Variants in LARGE1 observed in about 807,000 individuals in gnomAD.
LARGE1 encodes xylosyl- and glucuronyltransferase LARGE1.
In LARGE1, 43 loss-of-function variants were observed where a neutral mutation model predicts 87.6. The ratio of observed to expected loss-of-function variants is 0.49; its 90% CI spans 0.38 to 0.63. LARGE1 has a LOEUF of 0.63. LARGE1 is among the 30% of genes least tolerant of loss of function. LARGE1 has a pLI of 0.00. For missense variants in LARGE1, 802 were observed against 1,000.2 expected, an observed-to-expected ratio of 0.80 and a Z score of 2.67; for synonymous variants, 434 against 394.6, an observed-to-expected ratio of 1.10 and a Z score of -1.18.
chr22:33,900,450 T>C (rs1401138163), intron 1 of LARGE1, among the ~76,000 whole-genome samples: 1 of 152,198 alleles, frequency 6.6e-6, no homozygotes, highest in Non-Finnish European at 1.5e-5. Flanking sequence ...GAGCCTCTAA[T>C]GTCCAACGGG....
At chr22:33,147,352 T>A in the LARGE1 span, among the ~76,000 whole-genome samples, 1 of 152,144 alleles carries the variant, frequency 6.6e-6, no homozygotes, top group African/African-American at 2.4e-5. Flanking sequence ...TAGAACCAAT[T>A]TATACCACCA....
chr22:33,662,397 C>T (rs776390039), intron 2 of LARGE1, among the ~76,000 whole-genome samples: 50 of 152,238 alleles, frequency 3.3e-4, no homozygotes, highest in Non-Finnish European at 6.5e-4. Flanking sequence ...ACCATATTCT[C>T]GGGGCCCTCT....
intron 1 of LARGE1, among the ~76,000 whole-genome samples, chr22:33,909,872 C>T (rs2065577672): frequency 6.6e-6 from 1 of 152,208 alleles, no homozygotes; most frequent in African/African-American, 2.4e-5. Context: ...TCCTTGCTAA[C>T]AGAAACCCAA....
intron 1 of LARGE1, among the ~76,000 whole-genome samples, chr22:33,919,553 G>C (rs145846609): frequency 1.3e-3 from 200 of 152,340 alleles, no homozygotes; most frequent in African/African-American, 4.7e-3. Context: ...AAATTGCGCA[G>C]GACTGTCTGC....
At chr22:33,170,466 T>C (rs929437039) in intron 11 of LARGE1, among the ~76,000 whole-genome samples, 1 of 152,158 alleles carries the variant, frequency 6.6e-6, no homozygotes, top group African/African-American at 2.4e-5. Flanking sequence ...TCATCTGGAA[T>C]TGTAATCCCC....
At chr22:33,888,127 A>G (rs951174678) in intron 1 of LARGE1, among the ~76,000 whole-genome samples, 1 of 152,116 alleles carries the variant, frequency 6.6e-6, no homozygotes, top group Non-Finnish European at 1.5e-5. Flanking sequence ...TCTTTCTTCA[A>G]TTGAAGAGGG....
chr22:33,246,905 G>C (rs1303710827), intron 11 of LARGE1, among the ~76,000 whole-genome samples: 1 of 152,178 alleles, frequency 6.6e-6, no homozygotes, highest in Non-Finnish European at 1.5e-5. Flanking sequence ...AATGTGCTGG[G>C]ATCTATGCCA....
At chr22:33,347,922 T>C (rs2146708144) in intron 9 of LARGE1, among the ~76,000 whole-genome samples, 1 of 152,304 alleles carries the variant, frequency 6.6e-6, no homozygotes, top group South Asian at 2.1e-4. Flanking sequence ...GGTTTAGACT[T>C]CATGAAAGAG....
intron 11 of LARGE1, among the ~76,000 whole-genome samples, chr22:33,258,017 G>A (rs1927407782): frequency 1.3e-5 from 2 of 150,752 alleles, no homozygotes; most frequent in Non-Finnish European, 3.0e-5. Flanking sequence ...TGGATGGGGG[G>A]ATCAAGAAAT....
intron 1 of LARGE1, among the ~76,000 whole-genome samples, chr22:33,773,951 T>C (rs5999094): frequency 0.061 from 9,310 of 152,230 alleles, 960 homozygotes; most frequent in African/African-American, 0.21. Context: ...TTTGTTTGCT[T>C]TGATAACCAC....
At chr22:33,663,485 T>C (rs978154296) in intron 2 of LARGE1, among the ~76,000 whole-genome samples, 1 of 152,064 alleles carries the variant, frequency 6.6e-6, no homozygotes, top group Non-Finnish European at 1.5e-5. Context: ...TGCGCTTGAG[T>C]GCAGGAAGTA....
intron 9 of LARGE1, among the ~76,000 whole-genome samples, chr22:33,364,311 C>A (rs893097408): frequency 6.6e-6 from 1 of 152,192 alleles, no homozygotes. Flanking sequence ...CCCGCCTCGG[C>A]CTCCCAAAGT....
At chr22:33,659,066 G>A (rs555456587) in intron 2 of LARGE1, among the ~76,000 whole-genome samples, 3 of 152,252 alleles carry the variant, frequency 2.0e-5, no homozygotes, top group Non-Finnish European at 2.9e-5. Context: ...TTTGCTCCTC[G>A]GCATCGCCCT....
At chr22:33,720,720 A>G (rs1213783612) in intron 2 of LARGE1, among the ~76,000 whole-genome samples, 1 of 152,224 alleles carries the variant, frequency 6.6e-6, no homozygotes, top group Non-Finnish European at 1.5e-5. Flanking sequence ...ACTGGCTACA[A>G]AGTGGACAGG....
chr22:33,710,470 C>G (rs892046693), intron 2 of LARGE1, among the ~76,000 whole-genome samples: 1 of 152,160 alleles, frequency 6.6e-6, no homozygotes, highest in Non-Finnish European at 1.5e-5. Context: ...GGCTCAGAAG[C>G]CATACTGTGT....
At chr22:33,364,342 C>T (rs2064505828) in intron 9 of LARGE1, among the ~76,000 whole-genome samples, 1 of 152,208 alleles carries the variant, frequency 6.6e-6, no homozygotes, top group Admixed American at 6.5e-5. Flanking sequence ...CAGGCGTGAG[C>T]CACTGTGTCC....
At chr22:33,485,830 C>T (rs79843477) in intron 6 of LARGE1, among the ~76,000 whole-genome samples, 1 of 152,178 alleles carries the variant, frequency 6.6e-6, no homozygotes, top group Admixed American at 6.5e-5. Flanking sequence ...TATTTTCCAC[C>T]ATGGCTCTTA....
intron 6 of LARGE1, among the ~76,000 whole-genome samples, chr22:33,519,224 G>GCGTA (rs1008923255): frequency 8.2e-6 from 1 of 121,590 alleles, no homozygotes; most frequent in Non-Finnish European, 1.9e-5. Flanking sequence ...TGAGCTGCGT[G>GCGTA]CGTGCGCGCG....
the LARGE1 span, among the ~76,000 whole-genome samples, chr22:33,090,257 A>G: frequency 6.6e-6 from 1 of 152,222 alleles, no homozygotes; most frequent in South Asian, 2.1e-4. Flanking sequence ...TCCTGCCCTC[A>G]TGGAGCTTCC....
Sources: allele counts gnomAD v4.1 joint callset (sites outside exome capture counted in the v4.1 genomes callset), GRCh38; gene constraint gnomAD v4.1.1; transcripts MANE v1.5; gene names NCBI Gene and HGNC (gene_info 2026-07-23, HGNC 2026-07-21).